COL22A1: variants seen among roughly 807,000 people sequenced by gnomAD.
COL22A1 encodes collagen alpha-1(XXII) chain.
A neutral mutation model predicts 248.9 loss-of-function variants in COL22A1; 221 were observed. The ratio of observed to expected loss-of-function variants is 0.89; its 90% CI spans 0.80 to 0.99. The LOEUF is 0.99. COL22A1 is among the 50% of genes least tolerant of loss of function. The pLI is 0.00. For missense variants in COL22A1, 2,240 were observed against 2,179.0 expected (o/e 1.03, Z -0.56); for synonymous variants, 891 against 793.4 (o/e 1.12, Z -2.07).
chr8:138,820,476 T>C (rs1001603968), intron 7 of COL22A1, among the ~76,000 whole-genome samples: 3 of 150,180 alleles, frequency 2.0e-5, no homozygotes, highest in African/African-American at 7.4e-5. Flanking sequence ...ATTAAAGAAA[T>C]GAAAAAAACA....
chr8:138,671,215 T>C (rs943184561), intron 41 of COL22A1, among the ~76,000 whole-genome samples: 6 of 152,120 alleles, frequency 3.9e-5, no homozygotes, highest in Admixed American at 3.9e-4. Flanking sequence ...CATGAATGCA[T>C]AAAATATAGA....
intron 22 of COL22A1, among the ~76,000 whole-genome samples, chr8:138,748,376 T>C (rs1832300229): frequency 6.6e-6 from 1 of 152,204 alleles, no homozygotes; most frequent in Non-Finnish European, 1.5e-5. Flanking sequence ...AGAGTGTCTG[T>C]GCATCACAAG....
chr8:138,767,596 T>C (rs746739909), intron 16 of COL22A1, among the ~76,000 whole-genome samples: 3 of 152,256 alleles, frequency 2.0e-5, no homozygotes, highest in Non-Finnish European at 4.4e-5. Context: ...GGACCTCTGC[T>C]CTGAGAACCA....
chr8:138,835,400 C>T (rs1239082589), intron 4 of COL22A1, among the ~76,000 whole-genome samples: 1 of 152,222 alleles, frequency 6.6e-6, no homozygotes, highest in Non-Finnish European at 1.5e-5. Context: ...AGTGATTCAG[C>T]ATCTCTGGAG....
At chr8:138,890,773 G>A (rs1185864531) in intron 1 of COL22A1, among the ~76,000 whole-genome samples, 2 of 152,106 alleles carry the variant, frequency 1.3e-5, no homozygotes, top group Non-Finnish European at 2.9e-5. Context: ...AACACTTTGG[G>A]AGGCCAAGGC....
At chr8:138,778,303 A>G in intron 15 of COL22A1, 50 bp downstream of exon 15, 1 of 1,610,754 alleles carries the variant, frequency 6.2e-7, no homozygotes, top group Non-Finnish European at 8.5e-7. Flanking sequence ...CTGGTTTTTG[A>G]TTCCTGGAGA....
chr8:138,639,642 G>GT (rs961722249), intron 47 of COL22A1, among the ~76,000 whole-genome samples: 2 of 151,438 alleles, frequency 1.3e-5, no homozygotes, highest in South Asian at 2.1e-4. Flanking sequence ...GTTATTGTTA[G>GT]TTTTTTTTTA....
At chr8:138,809,522 C>CTTTTTTTTTTTTTTTTTTTTT (rs1405048013) in intron 9 of COL22A1, among the ~76,000 whole-genome samples, 1 of 77,964 alleles carries the variant, frequency 1.3e-5, no homozygotes, top group Non-Finnish European at 2.8e-5. Flanking sequence ...CTCTTTTTTT[C>CTTTTTTTTTTTTTTTTTTTTT]TTTTTCTTTT....
chr8:138,770,944 C>A (rs1212192472), intron 16 of COL22A1, among the ~76,000 whole-genome samples: 4 of 152,212 alleles, frequency 2.6e-5, no homozygotes, highest in Non-Finnish European at 5.9e-5. Flanking sequence ...CCTTTCTAAG[C>A]CTTTTGTAAA....
chr8:138,645,520 C>A (rs139669858), intron 47 of COL22A1, among the ~76,000 whole-genome samples: 1 of 152,330 alleles, frequency 6.6e-6, no homozygotes, highest in Non-Finnish European at 1.5e-5. Flanking sequence ...GAGACAACAA[C>A]TGAGGTATCA....
intron 15 of COL22A1, 139 bp downstream of exon 15, chr8:138,778,214 G>GA (rs1239747353): frequency 2.3e-6 from 2 of 864,586 alleles, no homozygotes; most frequent in Non-Finnish European, 3.9e-6. Flanking sequence ...TCTAAGAAAG[G>GA]AGATACCAAC....
chr8:138,691,676 T>TGC (rs1372460302), intron 35 of COL22A1, among the ~76,000 whole-genome samples: 8 of 123,480 alleles, frequency 6.5e-5, no homozygotes, highest in Admixed American at 1.7e-4. Flanking sequence ...GGTGTGTATA[T>TGC]GTGTACAGTG....
Position 138,591,506 on chromosome 8 carries a change from G to A in COL22A1, c.4616-5C>T, listed in dbSNP as rs754019774. On this transcript the variant is annotated splice_polypyrimidine_tract_variant and splice_region_variant and intron_variant, in intron 63 of 64. Coordinates refer to ENST00000303045, the MANE Select transcript of COL22A1 (RefSeq NM_152888.3). ...CACCTTTGGCTCCTCGCTCACCTGG[G>A]AAGAAAAACATGCACTTTTGATGGT... 9.8e-6 allele frequency: 15 copies of A among 1,535,532 alleles called. No individual in the cohort carries two copies. The highest frequency in any genetic ancestry group is 1.7e-4 in the Middle Eastern group (1 of 5,828).
chr8:138,609,014 T>G lies in COL22A1; in HGVS notation c.3979-1025A>C, dbSNP rs139374014. On this transcript the variant is annotated intron_variant, in intron 56 of 64. Transcript: ENST00000303045. ...TAGAGAATCACTCTCCGTTGATCCT[T>G]TAACCAAGAGGTGTGAATGCCCTCT... Among the ~76,000 whole-genome samples, 379 of 152,368 alleles carry G rather than the reference T, an allele frequency of 2.5e-3. 3 individuals carry two copies. The highest frequency in any genetic ancestry group is 8.9e-3 in the African/African-American group (369 of 41,586).
intron 2 of COL22A1, among the ~76,000 whole-genome samples, chr8:138,878,835 A>G (rs1254723812): frequency 3.9e-5 from 6 of 152,048 alleles, no homozygotes; most frequent in Admixed American, 1.3e-4. Context: ...GTGAAACCCC[A>G]TCTCTACTAA....
In COL22A1 at chr8:138,616,961, A is replaced by G. The variant is rs766544481; in HGVS notation, c.3826-3T>C. On this transcript the variant is annotated splice_region_variant and splice_polypyrimidine_tract_variant and intron_variant, in intron 53 of 64. Coordinates refer to ENST00000303045, the MANE Select transcript of COL22A1 (RefSeq NM_152888.3). Reference sequence around the variant, plus strand: ...TCGCCTGTGTGTCCCTTGAAGCCCTAGAAGGAAGAGAATGGAGTTATTCCA... The same window carrying G: ...TCGCCTGTGTGTCCCTTGAAGCCCTGGAAGGAAGAGAATGGAGTTATTCCA... The G allele has an allele frequency of 6.2e-7, 1 of 1,614,184 alleles. No homozygotes were observed. The highest frequency in any genetic ancestry group is 8.5e-7 in the Non-Finnish European group (1 of 1,180,028).
chr8:138,646,776 T>C (rs1822240330), intron 46 of COL22A1, 94 bp from the exon 47 acceptor site: 21 of 870,594 alleles, frequency 2.4e-5, no homozygotes, highest in Non-Finnish European at 3.4e-5. Context: ...CGTACCTCCC[T>C]TCACTGATTT....
At chr8:138,608,172 A>G (rs1408197621) in intron 56 of COL22A1, among the ~76,000 whole-genome samples, 183 bp from the exon 57 acceptor site, 1 of 152,256 alleles carries the variant, frequency 6.6e-6, no homozygotes, top group Non-Finnish European at 1.5e-5. Flanking sequence ...AGGAACTTGT[A>G]ATATTTAATT....
chr8:138,815,063 C>A (rs1013966582), intron 7 of COL22A1, among the ~76,000 whole-genome samples: 24 of 152,160 alleles, frequency 1.6e-4, no homozygotes, highest in African/African-American at 2.4e-5. Context: ...AGCTCCCTTG[C>A]ACACGCTTTC....
Sources: allele counts gnomAD v4.1 joint callset (sites outside exome capture counted in the v4.1 genomes callset), GRCh38; gene constraint gnomAD v4.1.1; transcripts MANE v1.5; gene names NCBI Gene and HGNC (gene_info 2026-07-23, HGNC 2026-07-21).